Variants in RYR2 observed in about 807,000 individuals in gnomAD.
RYR2 encodes ryanodine receptor 2, also known as cardiac muscle ryanodine receptor-calcium release channel.
RYR2 carries 227 observed loss-of-function variants against 601.1 expected under a neutral mutation model. The ratio of observed to expected loss-of-function variants is 0.38; its 90% CI spans 0.34 to 0.42. The LOEUF is 0.42. Among genes scored for constraint, RYR2 ranks in the 10% least tolerant of loss-of-function variants. The probability of loss-of-function intolerance (pLI) is 1.00; values close to 1 mark genes in which losing one functional copy is unlikely to be tolerated. For synonymous variants in RYR2, 2,223 were observed against 2,175.1 expected (o/e 1.02, Z -0.61); for missense variants, 4,646 against 6,156.5 (o/e 0.75, Z 8.21).
At chr1:237,119,561 A>G (rs1572700979) in intron 1 of RYR2, among the ~76,000 whole-genome samples, 1 of 152,206 alleles carries the variant, frequency 6.6e-6, no homozygotes, top group African/African-American at 2.4e-5. Context: ...TGGGCCGTTC[A>G]GGTTCCTTGG....
chr1:237,663,029 TTG>T (rs1232149067), intron 56 of RYR2, among the ~76,000 whole-genome samples: 1 of 152,204 alleles, frequency 6.6e-6, no homozygotes, highest in Admixed American at 6.5e-5. Flanking sequence ...AAGAGTATAT[TTG>T]TGTTTGTAGC....
intron 1 of RYR2, among the ~76,000 whole-genome samples, chr1:237,118,200 G>A (rs2490386): frequency 1.3e-5 from 2 of 152,064 alleles, no homozygotes; most frequent in African/African-American, 2.4e-5. Flanking sequence ...AATTTATTAC[G>A]TCTTTGAGAA....
At chr1:237,258,983 C>T (rs772788336) in intron 1 of RYR2, among the ~76,000 whole-genome samples, 1 of 151,916 alleles carries the variant, frequency 6.6e-6, no homozygotes, top group Non-Finnish European at 1.5e-5. Context: ...GGCCAGCTGC[C>T]ATCTCTGACT....
intron 100 of RYR2, 43 bp from the exon 101 acceptor site, chr1:237,818,993 G>T (rs1351053291): frequency 3.9e-6 from 6 of 1,553,830 alleles, no homozygotes; most frequent in East Asian, 2.3e-5. Context: ...AAAAAAAAAT[G>T]GGTAATGTCC....
At chr1:237,224,624 G>A (rs1201035709) in intron 1 of RYR2, among the ~76,000 whole-genome samples, 2 of 152,096 alleles carry the variant, frequency 1.3e-5, no homozygotes, top group Non-Finnish European at 2.9e-5. Flanking sequence ...GTGGGAGGCC[G>A]AGGCAGGAGG....
chr1:237,696,791 A>G (rs952756523), intron 63 of RYR2, among the ~76,000 whole-genome samples: 6 of 151,892 alleles, frequency 4.0e-5, no homozygotes, highest in African/African-American at 1.5e-4. Flanking sequence ...CTCACATTCA[A>G]TCCATAAGTA....
At chr1:237,657,693 T>G (rs895889209) in intron 53 of RYR2, among the ~76,000 whole-genome samples, 7 of 151,588 alleles carry the variant, frequency 4.6e-5, no homozygotes, top group Non-Finnish European at 7.4e-5. Context: ...TATTATAGTT[T>G]TATAATATGT....
Position 237,649,892 on chromosome 1 carries a change from A to G in RYR2, c.7528A>G (p.Thr2510Ala), listed in dbSNP as rs777279244. The G allele has an allele frequency of 4.2e-5, 67 of 1,613,760 alleles. No individual in the cohort carries two copies. Among genetic ancestry groups the G allele is most frequent in the Non-Finnish European group, 5.6e-5 (66 of 1,179,886 alleles). Residue 2510 changes from threonine (T) to alanine (A), a missense_variant, in exon 50 of 105, where the codon ACA (threonine) becomes GCA (alanine). Coordinates refer to ENST00000366574, the MANE Select transcript of RYR2 (RefSeq NM_001035.3). ...ASLDTAALSA[T>A]DMALALNRYL... ...TCTTTTTCAGGCAGCTTTGAGTGCT[A>G]CAGACATGGCCTTGGCCCTCAATCG...
At chr1:237,297,880 A>G (rs1692945210) in intron 2 of RYR2, among the ~76,000 whole-genome samples, 1 of 151,290 alleles carries the variant, frequency 6.6e-6, no homozygotes, top group African/African-American at 2.4e-5. Flanking sequence ...CCTCCCAAGT[A>G]GCTGGGACTA....
At chr1:237,115,880 C>T (rs1268362077) in intron 1 of RYR2, among the ~76,000 whole-genome samples, 2 of 151,898 alleles carry the variant, frequency 1.3e-5, no homozygotes, top group Non-Finnish European at 2.9e-5. Context: ...TAACAAATTG[C>T]CCTATTTGGT....
At chr1:237,314,577 A>C (rs1277344971) in intron 2 of RYR2, among the ~76,000 whole-genome samples, 2 of 152,232 alleles carry the variant, frequency 1.3e-5, no homozygotes, top group Non-Finnish European at 2.9e-5. Flanking sequence ...TATTGAGCAC[A>C]TATCAATTGA....
intron 1 of RYR2, among the ~76,000 whole-genome samples, chr1:237,188,873 CTTGT>C (rs1226282138): frequency 3.3e-5 from 5 of 152,102 alleles, no homozygotes; most frequent in Admixed American, 3.3e-4. Flanking sequence ...ATTTTGTCTT[CTTGT>C]TTTTTATTGT....
At position 237,705,172 on chromosome 1, in the gene RYR2, C is replaced by T. The variant is rs1032113441; in HGVS notation, c.9450-41C>T. ...TTGTAATATGACTTTTTTAGTTACT[C>T]ACTTGGAAGACCTTAAAACATAAGC... On this transcript the variant is annotated intron_variant, in intron 66 of 104. Coordinates refer to ENST00000366574, the MANE Select transcript of RYR2 (RefSeq NM_001035.3). 6.4e-6 allele frequency: 10 copies of T among 1,569,070 alleles called. No individual in the cohort carries two copies. In the African/African-American group the frequency reaches 8.1e-5, roughly 13 times the overall value.
At chr1:237,182,360 TCCA>T (rs2148958820) in intron 1 of RYR2, among the ~76,000 whole-genome samples, 1 of 152,192 alleles carries the variant, frequency 6.6e-6, no homozygotes, top group African/African-American at 2.4e-5. Context: ...GACCTCGTGA[TCCA>T]CCTGCCTCGG....
chr1:237,244,883 G>C (rs745510586), intron 1 of RYR2, among the ~76,000 whole-genome samples: 2 of 152,120 alleles, frequency 1.3e-5, no homozygotes, highest in African/African-American at 4.8e-5. Context: ...AGCTCTTAAA[G>C]TGTGTTTATT....
At chr1:237,355,898 G>T in intron 3 of RYR2, 67 bp from the exon 4 acceptor site, 1 of 1,347,498 alleles carries the variant, frequency 7.4e-7, no homozygotes, top group Non-Finnish European at 1.0e-6. Context: ...TCATTTAAAT[G>T]ACAGTAATTG....
intron 1 of RYR2, among the ~76,000 whole-genome samples, chr1:237,152,041 TC>T (rs933207549): frequency 3.9e-5 from 6 of 152,132 alleles, no homozygotes; most frequent in African/African-American, 1.4e-4. Context: ...TGTGTGTTGT[TC>T]CCCTCCCTGC....
chr1:237,414,923 C>T (rs561922978), intron 10 of RYR2, among the ~76,000 whole-genome samples: 5 of 152,084 alleles, frequency 3.3e-5, no homozygotes, highest in South Asian at 2.1e-4. Context: ...ACTTGAGAGC[C>T]GCTTACCTAT....
At chr1:237,767,059 C>G (rs1693901752) in intron 84 of RYR2, among the ~76,000 whole-genome samples, 1 of 151,870 alleles carries the variant, frequency 6.6e-6, no homozygotes, top group Admixed American at 6.6e-5. Context: ...ATTGTTTGAT[C>G]CAATTCGATT....
Sources: gnomAD v4.1 joint callset for allele counts (sites outside exome capture counted in the v4.1 genomes callset) on GRCh38, gnomAD v4.1.1 for gene constraint, MANE v1.5 for transcripts, NCBI Gene and HGNC (gene_info 2026-07-23, HGNC 2026-07-21) for gene names.